Variants in ANO10 observed in about 807,000 individuals in gnomAD.
The protein encoded by ANO10 is anoctamin-10.
ANO10 carries 77 observed loss-of-function variants against 74.7 expected under a neutral mutation model. The observed-to-expected ratio is 1.03, with a 90% confidence interval of 0.86 to 1.25. The LOEUF (loss-of-function observed/expected upper bound fraction) is 1.25. Among genes scored for constraint, ANO10 ranks in the 50% most tolerant of loss-of-function variants. The probability of loss-of-function intolerance (pLI) is 0.00; values close to 1 mark genes in which losing one functional copy is unlikely to be tolerated. For missense variants in ANO10, 721 were observed against 778.1 expected (o/e 0.93, Z 0.87); for synonymous variants, 279 against 284.9 (o/e 0.98, Z 0.21).
At chr3:43,636,018 A>G (rs2083605799) in intron 1 of ANO10, among the ~76,000 whole-genome samples, 1 of 151,960 alleles carries the variant, frequency 6.6e-6, no homozygotes, top group Non-Finnish European at 1.5e-5. Context: ...ACAAGTAAAA[A>G]AAACAAAAAA....
intron 12 of ANO10, among the ~76,000 whole-genome samples, chr3:43,405,481 G>GT (rs1160655263): frequency 2.0e-5 from 3 of 152,272 alleles, no homozygotes; most frequent in South Asian, 2.1e-4. Flanking sequence ...TTCAACTGTA[G>GT]TTTTTTCCTT....
At chr3:43,523,413 G>C (rs977061042) in intron 11 of ANO10, among the ~76,000 whole-genome samples, 1 of 151,688 alleles carries the variant, frequency 6.6e-6, no homozygotes, top group African/African-American at 2.4e-5. Context: ...TCAGATTTCT[G>C]TTTCAGAATA....
chr3:43,597,636 T>C (rs2082153885), intron 4 of ANO10, among the ~76,000 whole-genome samples: 1 of 151,902 alleles, frequency 6.6e-6, no homozygotes. Flanking sequence ...GGGGGAGGGA[T>C]AGCATTAGGA....
At chr3:43,641,710 T>G (rs912800455) in intron 1 of ANO10, among the ~76,000 whole-genome samples, 1 of 152,150 alleles carries the variant, frequency 6.6e-6, no homozygotes, top group African/African-American at 2.4e-5. Flanking sequence ...CATGGCACTG[T>G]CTATTTTTAG....
At chr3:43,375,373 G>T (rs1200012504) in intron 12 of ANO10, among the ~76,000 whole-genome samples, 1 of 152,118 alleles carries the variant, frequency 6.6e-6, no homozygotes, top group South Asian at 2.1e-4. Context: ...GCTTGAACCC[G>T]AGAGGTGGAG....
intron 11 of ANO10, among the ~76,000 whole-genome samples, chr3:43,461,730 A>G (rs2149028570): frequency 6.6e-6 from 1 of 152,274 alleles, no homozygotes; most frequent in East Asian, 1.9e-4. Flanking sequence ...AGTCCAATTA[A>G]GCCTCCTTCT....
intron 1 of ANO10, among the ~76,000 whole-genome samples, chr3:43,619,817 G>GACTGCACC (rs1233071214): frequency 6.7e-6 from 1 of 148,904 alleles, no homozygotes; most frequent in African/African-American, 2.5e-5. Context: ...AGTGAGCTGT[G>GACTGCACC]ACTGCACCAC....
intron 1 of ANO10, among the ~76,000 whole-genome samples, chr3:43,618,397 C>G (rs905752991): frequency 2.6e-5 from 4 of 152,318 alleles, no homozygotes; most frequent in African/African-American, 7.2e-5. Flanking sequence ...ATTTCCTCCT[C>G]TCACTCATGC....
At chr3:43,548,314 C>G (rs552488055) in intron 11 of ANO10, among the ~76,000 whole-genome samples, 1 of 152,320 alleles carries the variant, frequency 6.6e-6, no homozygotes, top group East Asian at 1.9e-4. Flanking sequence ...TGGTCTCTCC[C>G]TGTCAAAGGT....
chr3:43,605,736 A>G lies in ANO10; in HGVS notation c.117T>C (p.Ile39=), dbSNP rs1181519713. 1 of 1,613,582 alleles carries G rather than the reference A, an allele frequency of 6.2e-7. No individual in the cohort carries two copies. Among genetic ancestry groups the G allele is most frequent in the African/African-American group, 1.3e-5 (1 of 74,978 alleles). ...CACCTCCATCTTTTTTTTTAGCTATAATTCTGTTTTTCAGCCATTCTTTGG... is the reference window on the plus strand; with the variant it reads ...CACCTCCATCTTTTTTTTTAGCTATGATTCTGTTTTTCAGCCATTCTTTGG... The part of the protein sequence containing the change: ...EETKEWLKNR[I]IAKKKDGGAQ... Residue 39 remains isoleucine (I), a synonymous_variant, in exon 2 of 13, where the codon ATT becomes ATC. Coordinates refer to ENST00000292246, the MANE Select transcript of ANO10 (RefSeq NM_018075.5).
At chr3:43,678,296 A>G (rs1442496362) in intron 1 of ANO10, among the ~76,000 whole-genome samples, 1 of 152,210 alleles carries the variant, frequency 6.6e-6, no homozygotes, top group East Asian at 1.9e-4. Context: ...TATTGCTTTC[A>G]TATCATTGCA....
chr3:43,403,201 C>T (rs941140653), intron 12 of ANO10, among the ~76,000 whole-genome samples: 1 of 152,210 alleles, frequency 6.6e-6, no homozygotes, highest in Non-Finnish European at 1.5e-5. Context: ...CAAACTATGC[C>T]CAGAGGCACC....
chr3:43,452,091 T>A (rs2074903890), intron 11 of ANO10, among the ~76,000 whole-genome samples: 1 of 152,238 alleles, frequency 6.6e-6, no homozygotes, highest in South Asian at 2.1e-4. Flanking sequence ...ATTTATTTAA[T>A]CTTCTTGGAT....
At chr3:43,567,486 C>G (rs1478011042) in intron 7 of ANO10, among the ~76,000 whole-genome samples, 1 of 152,068 alleles carries the variant, frequency 6.6e-6, no homozygotes, top group African/African-American at 2.4e-5. Flanking sequence ...GCAGATCTCT[C>G]GGCAGAAACT....
At chr3:43,524,708 C>T (rs532533871) in intron 11 of ANO10, among the ~76,000 whole-genome samples, 1 of 152,278 alleles carries the variant, frequency 6.6e-6, no homozygotes, top group Admixed American at 6.6e-5. Context: ...ACAATGAACA[C>T]ATCTGGGCTC....
intron 1 of ANO10, chr3:43,691,150 C>G: frequency 8.8e-7 from 1 of 1,134,148 alleles, no homozygotes; most frequent in South Asian, 2.5e-5. Flanking sequence ...CTGGCGACGA[C>G]GGGCGGCTTC....
chr3:43,504,963 G>A lies in ANO10; in HGVS notation c.1797+44757C>T, dbSNP rs117181366. 1.8e-3 allele frequency among the ~76,000 whole-genome samples: 278 copies of A among 152,168 alleles called. 7 individuals carry two copies. The East Asian group carries it at 0.049, about 27-fold the overall frequency. On this transcript the variant is annotated intron_variant, in intron 11 of 12. Coordinates refer to ENST00000292246, the MANE Select transcript of ANO10 (RefSeq NM_018075.5). ...CAGAAAGAAAATTATTCTTGAATCC[G>A]TTTCTAAAAAATGTATCAACCAGTC...
intron 1 of ANO10, among the ~76,000 whole-genome samples, chr3:43,612,138 TTTTA>T (rs1367404312): frequency 1.8e-3 from 162 of 89,206 alleles, no homozygotes; most frequent in African/African-American, 5.8e-3. Context: ...AAATTAAATA[TTTTA>T]TATATATATA....
At chr3:43,658,456 T>C (rs919718773) in intron 1 of ANO10, among the ~76,000 whole-genome samples, 2 of 146,490 alleles carry the variant, frequency 1.4e-5, no homozygotes, top group Non-Finnish European at 3.0e-5. Flanking sequence ...CCAAAGTTTA[T>C]ATTATTATTA....
Sources: allele counts gnomAD v4.1 joint callset (sites outside exome capture counted in the v4.1 genomes callset), GRCh38; gene constraint gnomAD v4.1.1; transcripts MANE v1.5; gene names NCBI Gene and HGNC (gene_info 2026-07-23, HGNC 2026-07-21).